Variants in ADCY9 observed in about 807,000 individuals in gnomAD.
ADCY9 encodes the protein adenylate cyclase type 9.
A neutral mutation model predicts 101.5 loss-of-function variants in ADCY9; 50 were observed. The ratio of observed to expected loss-of-function variants is 0.49; its 90% CI spans 0.39 to 0.62. The LOEUF is 0.62. ADCY9 is among the 20% of genes least tolerant of loss of function. ADCY9 has a pLI of 0.00. For synonymous variants in ADCY9, 905 were observed against 769.3 expected (o/e 1.18, Z -2.92); for missense variants, 1,662 against 1,800.4 (o/e 0.92, Z 1.39).
chr16:4,020,963 C>T (rs914360150), intron 2 of ADCY9, among the ~76,000 whole-genome samples: 3 of 152,046 alleles, frequency 2.0e-5, no homozygotes, highest in Non-Finnish European at 4.4e-5. Context: ...GGATGAGATA[C>T]TGGTTCACAA....
chr16:4,018,984 G>GT (rs948373426), intron 2 of ADCY9, among the ~76,000 whole-genome samples: 65 of 10,832 alleles, frequency 6.0e-3, no homozygotes, highest in African/African-American at 9.7e-3. Context: ...GTTTTGTTTT[G>GT]TTTTTTTAAG....
At chr16:3,991,931 C>A (rs1456807069) in intron 5 of ADCY9, among the ~76,000 whole-genome samples, 2 of 151,996 alleles carry the variant, frequency 1.3e-5, no homozygotes, top group African/African-American at 4.8e-5. Flanking sequence ...CCTAGCCAGG[C>A]ATGGTGGTGG....
chr16:4,100,635 T>C (rs1328426860), intron 2 of ADCY9, among the ~76,000 whole-genome samples: 1 of 150,130 alleles, frequency 6.7e-6, no homozygotes, highest in Non-Finnish European at 1.5e-5. Context: ...TGGCCTCAGG[T>C]AGCAACTTTA....
intron 2 of ADCY9, among the ~76,000 whole-genome samples, chr16:4,061,168 G>T (rs2056771514): frequency 6.6e-6 from 1 of 151,408 alleles, no homozygotes; most frequent in Non-Finnish European, 1.5e-5. Context: ...ATCTGAAGAA[G>T]AAATAAAAAA....
chr16:3,996,126 C>T (rs543836820), intron 3 of ADCY9, among the ~76,000 whole-genome samples: 6 of 152,196 alleles, frequency 3.9e-5, no homozygotes, highest in East Asian at 3.9e-4. Context: ...TTTGGGAGGC[C>T]GAAGCAGGAG....
chr16:4,043,346 A>C (rs2056640634), intron 2 of ADCY9, among the ~76,000 whole-genome samples: 1 of 152,062 alleles, frequency 6.6e-6, no homozygotes. Context: ...ACACCACTGG[A>C]GCAAAATCAG....
intron 9 of ADCY9, among the ~76,000 whole-genome samples, chr16:3,975,457 G>A (rs1279330896): frequency 6.6e-6 from 1 of 152,104 alleles, no homozygotes; most frequent in Non-Finnish European, 1.5e-5. Flanking sequence ...CTGGACTGTT[G>A]CTTTGCTAAT....
At chr16:4,048,819 G>A (rs2056682581) in intron 2 of ADCY9, among the ~76,000 whole-genome samples, 1 of 152,032 alleles carries the variant, frequency 6.6e-6, no homozygotes, top group Non-Finnish European at 1.5e-5. Context: ...GGCTGCTCAA[G>A]TCCCTCCTCA....
intron 10 of ADCY9, among the ~76,000 whole-genome samples, chr16:3,970,269 A>C (rs1398562879): frequency 6.6e-6 from 1 of 152,086 alleles, no homozygotes; most frequent in Non-Finnish European, 1.5e-5. Context: ...GAGCTCAACC[A>C]ATCTGCCTGC....
At chr16:4,077,769 G>T (rs1434164125) in intron 2 of ADCY9, among the ~76,000 whole-genome samples, 1 of 152,196 alleles carries the variant, frequency 6.6e-6, no homozygotes, top group African/African-American at 2.4e-5. Context: ...GAAGGCTGAG[G>T]TGGGTGGATT....
At chr16:4,042,830 G>A (rs913478422) in intron 2 of ADCY9, among the ~76,000 whole-genome samples, 13 of 152,192 alleles carry the variant, frequency 8.5e-5, no homozygotes, top group Middle Eastern at 3.2e-3. Flanking sequence ...CTGCCACTCC[G>A]TTTGGACGAT....
At chr16:4,023,317 G>C (rs2056490789) in intron 2 of ADCY9, among the ~76,000 whole-genome samples, 1 of 152,232 alleles carries the variant, frequency 6.6e-6, no homozygotes, top group African/African-American at 2.4e-5. Flanking sequence ...CTGTGATTAA[G>C]AGCCAGGAAG....
At chr16:4,011,123 G>A (rs141376293) in intron 2 of ADCY9, among the ~76,000 whole-genome samples, 54 of 152,282 alleles carry the variant, frequency 3.5e-4, no homozygotes, top group East Asian at 1.2e-3. Context: ...AAGACGGGGC[G>A]AGGTCAGCCC....
chr16:4,110,536 C>T (rs532821573), intron 2 of ADCY9, among the ~76,000 whole-genome samples: 54 of 151,996 alleles, frequency 3.6e-4, no homozygotes, highest in East Asian at 1.2e-3. Context: ...ATTACAGGCG[C>T]ACACCACCAC....
At chr16:4,010,019 T>TA (rs1461089976) in intron 2 of ADCY9, among the ~76,000 whole-genome samples, 2 of 152,178 alleles carry the variant, frequency 1.3e-5, no homozygotes, top group Non-Finnish European at 1.5e-5. Flanking sequence ...AGTCCCCACA[T>TA]ACTGAGAGAG....
At chr16:4,107,721 G>A (rs2141206454) in intron 2 of ADCY9, among the ~76,000 whole-genome samples, 1 of 152,250 alleles carries the variant, frequency 6.6e-6, no homozygotes, top group East Asian at 1.9e-4. Flanking sequence ...GCATGCAACT[G>A]AACCCCAAAC....
At chr16:4,016,779 G>C (rs990985091) in intron 2 of ADCY9, among the ~76,000 whole-genome samples, 1 of 152,226 alleles carries the variant, frequency 6.6e-6, no homozygotes, top group East Asian at 1.9e-4. Context: ...GGCATAGGGA[G>C]ATCTGTAGAC....
At chr16:4,037,931 A>G (rs945281671) in intron 2 of ADCY9, among the ~76,000 whole-genome samples, 1 of 152,196 alleles carries the variant, frequency 6.6e-6, no homozygotes, top group African/African-American at 2.4e-5. Flanking sequence ...TATGGTCTAA[A>G]TGTCCCCCAA....
intron 7 of ADCY9, among the ~76,000 whole-genome samples, chr16:3,980,369 A>C (rs893971508): frequency 2.0e-5 from 3 of 151,964 alleles, no homozygotes; most frequent in African/African-American, 7.2e-5. Flanking sequence ...GAGTCCAAGG[A>C]CCCCTGGGCC....
Sources: allele counts gnomAD v4.1 joint callset (sites outside exome capture counted in the v4.1 genomes callset), GRCh38; gene constraint gnomAD v4.1.1; transcripts MANE v1.5; gene names NCBI Gene and HGNC (gene_info 2026-07-23, HGNC 2026-07-21).